UBR4: variants seen among roughly 807,000 people sequenced by gnomAD.
UBR4 encodes the protein ubiquitin protein ligase E3 component n-recognin 4.
Under a neutral mutation model 575.6 loss-of-function variants are expected in UBR4, and 124 were observed. The observed-to-expected ratio is 0.22, with a 90% CI of 0.19 to 0.25. The LOEUF is 0.25. Ranked by LOEUF, UBR4 falls within the 10% of genes least tolerant of loss-of-function variation. The probability of loss-of-function intolerance (pLI) is 1.00; values close to 1 mark genes in which losing one functional copy is unlikely to be tolerated. For missense variants in UBR4, 4,818 were observed against 6,478.8 expected (o/e 0.74, Z 8.80); for synonymous variants, 2,455 against 2,473.7 (o/e 0.99, Z 0.22).
Position 19,138,179 on chromosome 1 carries a change from A to G in UBR4, c.8734T>C (p.Ser2912Pro). ...VDSVAGEHSV[S>P]GRSSAYGDAT... is the part of the protein sequence containing the mutation. ...TCGCCATAAGCACTGCTCCGGCCAG[A>G]TACTAGAGGGAAATGGTTTAAAAAG... The change falls in exon 60 of 106, where the codon TCT (serine) becomes CCT (proline). Residue 2912 changes from serine (S) to proline (P), a missense_variant and splice_region_variant. Ser to Pro is a moderately conservative substitution (Grantham distance 74). This residue lies in a region of UBR4 where 57 missense variants were observed against 101.5 expected (regional missense o/e 0.56). Coordinates refer to ENST00000375254, the MANE Select transcript of UBR4 (RefSeq NM_020765.3). 1 of 1,501,270 alleles carries G rather than the reference A, an allele frequency of 6.7e-7. No individual in the cohort carries two copies. Among genetic ancestry groups the G allele is most frequent in the Non-Finnish European group, 9.0e-7 (1 of 1,114,962 alleles). The allele number at this position is 1,501,270 out of a possible 1,614,324, so 93.0% of individuals were successfully genotyped here.
rs745454009 is a variant in UBR4, at chr1:19,128,303, T to C, written c.9019A>G (p.Thr3007Ala). Residue 3007 changes from threonine (T) to alanine (A), a missense_variant, in exon 62 of 106, where the codon ACT becomes GCT. This residue lies in a region of UBR4 where 87 missense variants were observed against 82.8 expected (regional missense o/e 1.05). Transcript: ENST00000375254. The part of the protein sequence containing the change: ...IPYMQVILML[T>A]TDLDGEDEKD... The stretch of plus-strand genomic sequence containing the variant: ...TCATCTTCTCCATCCAGATCTGTAG[T>C]GAGCATTAGAATGACCTAGAAGTCA... 4.3e-6 allele frequency: 7 copies of C among 1,613,968 alleles called. No homozygotes were observed. In the East Asian group the frequency reaches 1.3e-4, roughly 31 times the overall value.
Position 19,105,060 on chromosome 1 carries a change from G to T in UBR4, c.12633C>A (p.Asn4211Lys). ...TAGGGTAGGATACCTTGGTGATGAG[G>T]TTGCCCACATAGGGTAGGACTCCCC... ...AARGVLPYVG[N>K]LITKEIARLL... is the part of the protein sequence containing the mutation. Residue 4211 changes from asparagine (N) to lysine (K), a missense_variant, in exon 85 of 106, where the codon AAC becomes AAA. Transcript: ENST00000375254. 1 of 1,613,828 alleles carries T rather than the reference G, an allele frequency of 6.2e-7. No individual in the cohort carries two copies. The highest frequency in any genetic ancestry group is 8.5e-7 in the Non-Finnish European group (1 of 1,179,842).
chr1:19,138,231 G>A, intron 59 of UBR4, 50 bp from the exon 60 acceptor site: 2 of 1,443,378 alleles, frequency 1.4e-6, no homozygotes, highest in Non-Finnish European at 1.8e-6. Context: ...AAGCATGAAG[G>A]AACCCAGTGC....
At chr1:19,183,477 T>A (rs2091215938) in intron 17 of UBR4, among the ~76,000 whole-genome samples, 1 of 152,156 alleles carries the variant, frequency 6.6e-6, no homozygotes, top group Admixed American at 6.5e-5. Context: ...ATCCCAGCAC[T>A]TTGGGAGGCT....
intron 90 of UBR4, 85 bp downstream of exon 90, chr1:19,099,512 T>C: frequency 8.1e-7 from 1 of 1,235,634 alleles, no homozygotes; most frequent in East Asian, 2.3e-5. Context: ...AGGTAAGTGA[T>C]GATGAACAAT....
chr1:19,085,962 G>A (rs1376068791), intron 101 of UBR4, among the ~76,000 whole-genome samples, 183 bp downstream of exon 101: 1 of 152,096 alleles, frequency 6.6e-6, no homozygotes, highest in Non-Finnish European at 1.5e-5. Flanking sequence ...GTCACCCCTT[G>A]AGTAAGCCTC....
In UBR4 at chr1:19,140,883, C is replaced by G; in HGVS notation, c.8498G>C (p.Ser2833Thr). 1 of 1,607,976 alleles carries G rather than the reference C, an allele frequency of 6.2e-7. No homozygotes were observed. Among genetic ancestry groups the G allele is most frequent in the Non-Finnish European group, 8.5e-7 (1 of 1,178,332 alleles). ...SLQQDQQGSS[S>T]SALGLQSLGL... ...CAGGCTCTGCAGGCCCAGGGCACTG[C>G]TGCTGCTGCCTGGGAAACAAGTGGA... Residue 2833 changes from serine (S) to threonine (T), a missense_variant, in exon 58 of 106, where the codon AGC becomes ACC. By Grantham distance (58) the Ser-to-Thr change is moderately conservative. Coordinates refer to ENST00000375254, the MANE Select transcript of UBR4 (RefSeq NM_020765.3).
At chr1:19,094,250 C>A (rs1212534603) in intron 94 of UBR4, 111 bp from the exon 95 acceptor site, 2 of 715,262 alleles carry the variant, frequency 2.8e-6, no homozygotes, top group East Asian at 5.5e-5. Context: ...AGGAATACCC[C>A]TAGAAGAACT....
chr1:19,185,328 A>C (rs777206984), intron 14 of UBR4, 42 bp from the exon 15 acceptor site: 1 of 1,502,424 alleles, frequency 6.7e-7, no homozygotes, highest in East Asian at 2.3e-5. Flanking sequence ...AATATTTTTT[A>C]AAAGTGTTTT....
chr1:19,132,661 T>C (rs925769063), intron 60 of UBR4, among the ~76,000 whole-genome samples: 22 of 54,236 alleles, frequency 4.1e-4, no homozygotes, highest in African/African-American at 1.8e-3. Context: ...AAAGCAGGAA[T>C]AGAAAGCAGA....
intron 47 of UBR4, 110 bp from the exon 48 acceptor site, chr1:19,151,969 C>A (rs1345729525): frequency 7.9e-6 from 8 of 1,009,220 alleles, no homozygotes; most frequent in Non-Finnish European, 1.1e-5. Context: ...TAAAACTTAT[C>A]CTTTTAACTC....
Position 19,163,839 on chromosome 1 carries a change from A to G in UBR4, c.4701-12T>C. ...ACAGGTATTTCTTGCTGTCCCAAAG[A>G]AAAAAAAGAGGGGAAAGAGGAGACA... On this transcript the variant is annotated splice_polypyrimidine_tract_variant and intron_variant, in intron 33 of 105. Coordinates refer to ENST00000375254, the MANE Select transcript of UBR4 (RefSeq NM_020765.3). The G allele has an allele frequency of 6.2e-7, 1 of 1,613,150 alleles. No individual in the cohort carries two copies. The highest frequency in any genetic ancestry group is 1.3e-5 in the African/African-American group (1 of 75,002).
At position 19,144,096 on chromosome 1, in the gene UBR4, G is replaced by A. The variant is rs1299701767; in HGVS notation, c.8068-5C>T. ...AGAGAAGCTCACAGCAGGATCCTGAGGTTTAAAAGGAAACTGTCACGCTTT... is the reference window on the plus strand; with the variant it reads ...AGAGAAGCTCACAGCAGGATCCTGAAGTTTAAAAGGAAACTGTCACGCTTT... On this transcript the variant is annotated splice_region_variant and splice_polypyrimidine_tract_variant and intron_variant, in intron 54 of 105. Transcript: ENST00000375254. 3.1e-6 allele frequency: 5 copies of A among 1,612,710 alleles called. No individual in the cohort carries two copies. Among genetic ancestry groups the A allele is most frequent in the Non-Finnish European group, 4.2e-6 (5 of 1,178,808 alleles).
Position 19,187,540 on chromosome 1 carries a change from C to T in UBR4, c.1395G>A (p.Gly465=), listed in dbSNP as rs2091663135. 1.9e-6 allele frequency: 3 copies of T among 1,612,728 alleles called. No individual in the cohort carries two copies. The highest frequency in any genetic ancestry group is 2.5e-6 in the Non-Finnish European group (3 of 1,179,414). The change falls in exon 12 of 106, where the codon GGG becomes GGA. Residue 465 remains glycine, a splice_region_variant and synonymous_variant. Transcript: ENST00000375254. The part of the protein sequence containing the change: ...VGSPKLGPGK[G]HQGFGVLSVI... ...CTGAGAGTACCCCAAATCCCTGATG[C>T]CTACACAAAGAAAAAGGAAAACACA...
chr1:19,076,464 C>T (rs887155236), intron 105 of UBR4, among the ~76,000 whole-genome samples: 1 of 152,232 alleles, frequency 6.6e-6, no homozygotes, highest in Admixed American at 6.5e-5. Flanking sequence ...AACCAAAGCT[C>T]CTGCCTCATA....
At position 19,093,409 on chromosome 1, in the gene UBR4, T is replaced by G; in HGVS notation, c.14015A>C (p.Asn4672Thr). The G allele has an allele frequency of 6.2e-7, 1 of 1,614,216 alleles. No individual in the cohort carries two copies. Among genetic ancestry groups the G allele is most frequent in the Non-Finnish European group, 8.5e-7 (1 of 1,180,036 alleles). Residue 4672 changes from asparagine (N) to threonine (T), a missense_variant, in exon 96 of 106, where the codon AAC becomes ACC. Asn to Thr is a moderately conservative substitution (Grantham distance 65, BLOSUM62 0). This residue lies in a region of UBR4 where 165 missense variants were observed against 282.3 expected (regional missense o/e 0.58). Coordinates refer to ENST00000375254, the MANE Select transcript of UBR4 (RefSeq NM_020765.3). This position sits in a 1 kb window ranked among gnomAD's most constrained non-coding sequence, Gnocchi z 4.8. Reference protein sequence around the residue: ...FCKIAAGIKNNSNGHQLKDLI... With the variant: ...FCKIAAGIKNTSNGHQLKDLI... Reference sequence around the variant, plus strand: ...ATCCTTCAGCTGGTGCCCATTGCTGTTGTTCTTGATGCCAGCAGCTATTTT... The same window carrying G: ...ATCCTTCAGCTGGTGCCCATTGCTGGTGTTCTTGATGCCAGCAGCTATTTT...
chr1:19,077,219 T>G (rs1244582244), intron 104 of UBR4, among the ~76,000 whole-genome samples: 3 of 152,208 alleles, frequency 2.0e-5, no homozygotes, highest in Non-Finnish European at 4.4e-5. Flanking sequence ...TTCCATGAGC[T>G]GTCTCATTCC....
At chr1:19,141,894 T>C in intron 55 of UBR4, 117 bp from the exon 56 acceptor site, 1 of 1,447,376 alleles carries the variant, frequency 6.9e-7, no homozygotes, top group South Asian at 1.3e-5. Flanking sequence ...CACCCTGGGC[T>C]TTAGCGGGAG....
At chr1:19,163,519 T>C (rs2087757891) in intron 34 of UBR4, among the ~76,000 whole-genome samples, 1 of 152,238 alleles carries the variant, frequency 6.6e-6, no homozygotes. Flanking sequence ...GAACTCTATG[T>C]TTTAAGAAAG....
Sources: gnomAD v4.1 joint callset for allele counts (sites outside exome capture counted in the v4.1 genomes callset) on GRCh38, gnomAD v4.1.1 for gene constraint, gnomAD v4.1.1 regional missense constraint, Gnocchi (gnomAD v3.1) non-coding constraint, MANE v1.5 for transcripts, NCBI Gene and HGNC (gene_info 2026-07-23, HGNC 2026-07-21) for gene names.